The following KLF12 variants were observed in gnomAD, a reference collection of about 807,000 sequenced individuals.
The protein encoded by KLF12 is Krueppel-like factor 12.
Under a neutral mutation model 37.8 loss-of-function variants are expected in KLF12, and 9 were observed. That is an observed-to-expected ratio of 0.24 (90% CI 0.14 to 0.42). The LOEUF is 0.42. Among genes scored for constraint, KLF12 ranks in the 10% least tolerant of loss-of-function variants. The pLI, the probability that KLF12 is intolerant of heterozygous loss-of-function variation, is 1.00. For missense variants in KLF12, 411 were observed against 516.0 expected, an observed-to-expected ratio of 0.80 and a Z score of 1.97; for synonymous variants, 208 against 202.1, an observed-to-expected ratio of 1.03 and a Z score of -0.25.
intron 7 of KLF12, among the ~76,000 whole-genome samples, chr13:73,710,622 G>A (rs945796419): frequency 2.6e-5 from 4 of 152,050 alleles, no homozygotes; most frequent in African/African-American, 9.7e-5. Flanking sequence ...TTTTGGGTTC[G>A]ATGAACTGTA....
chr13:73,785,735 A>G (rs1011687258), intron 5 of KLF12, among the ~76,000 whole-genome samples: 1 of 151,952 alleles, frequency 6.6e-6, no homozygotes, highest in Admixed American at 6.6e-5. Flanking sequence ...AGGTATCTTC[A>G]CTATCCCTTA....
At chr13:73,789,391 C>T (rs1298296957) in intron 5 of KLF12, among the ~76,000 whole-genome samples, 1 of 152,036 alleles carries the variant, frequency 6.6e-6, no homozygotes, top group Non-Finnish European at 1.5e-5. Flanking sequence ...CACAGTAGCG[C>T]TAGTCAGAGA....
intron 3 of KLF12, among the ~76,000 whole-genome samples, chr13:73,932,544 G>T (rs1038624154): frequency 3.9e-5 from 6 of 152,262 alleles, no homozygotes; most frequent in Admixed American, 3.9e-4. Flanking sequence ...AACACTAGGG[G>T]AGTTTTCTAG....
chr13:74,263,365 G>C, the KLF12 span, among the ~76,000 whole-genome samples: 1 of 152,144 alleles, frequency 6.6e-6, no homozygotes, highest in Non-Finnish European at 1.5e-5. Context: ...TATGCAGCAA[G>C]AGATTAAAGG....
chr13:73,688,803 C>G lies in KLF12; in HGVS notation c.*6687G>C, dbSNP rs192884380. 6.6e-6 allele frequency: 1 copy of G among 152,112 alleles called. No individual in the cohort carries two copies. Among genetic ancestry groups the G allele is most frequent in the African/African-American group, 2.4e-5 (1 of 41,424 alleles). 9.4% of individuals were successfully genotyped at this position (152,112 alleles called of 1,614,324 possible). ...ATGCATGTTGTCCATAATAAAATTA[C>G]TGAGAGTCAGGAATCTGGGAAGGTG... is the stretch of plus-strand genomic sequence containing the variant. On this transcript the variant is annotated 3_prime_UTR_variant, in exon 8 of 8. Coordinates refer to ENST00000377669, the MANE Select transcript of KLF12 (RefSeq NM_007249.5).
At chr13:74,214,172 G>C in the KLF12 span, among the ~76,000 whole-genome samples, 1 of 152,146 alleles carries the variant, frequency 6.6e-6, no homozygotes, top group East Asian at 1.9e-4. Context: ...CTTTCCAACT[G>C]ATCAATAAGA....
At chr13:73,721,367 C>T (rs1386064824) in intron 6 of KLF12, among the ~76,000 whole-genome samples, 2 of 152,064 alleles carry the variant, frequency 1.3e-5, no homozygotes, top group Non-Finnish European at 2.9e-5. Flanking sequence ...TTTAAATTTC[C>T]CCTTTAACCC....
At chr13:74,298,980 T>TTC in the KLF12 span, among the ~76,000 whole-genome samples, 3 of 152,172 alleles carry the variant, frequency 2.0e-5, no homozygotes, top group Admixed American at 1.3e-4. Context: ...AAGAACGGAA[T>TTC]TCTCAACAAG....
the KLF12 span, among the ~76,000 whole-genome samples, chr13:74,162,447 C>A: frequency 6.6e-6 from 1 of 152,322 alleles, no homozygotes; most frequent in East Asian, 1.9e-4. Flanking sequence ...TTAAATTAGG[C>A]CAGATGCTTA....
At chr13:74,256,025 G>T in the KLF12 span, among the ~76,000 whole-genome samples, 5 of 151,960 alleles carry the variant, frequency 3.3e-5, 1 homozygote, top group Admixed American at 2.6e-4. Flanking sequence ...CGTGGTGGCG[G>T]GCGCCTGTAG....
intron 1 of KLF12, among the ~76,000 whole-genome samples, chr13:74,012,018 T>C (rs1593828853): frequency 1.4e-5 from 2 of 144,522 alleles, no homozygotes; most frequent in South Asian, 4.5e-4. Flanking sequence ...GGCCTTTAAC[T>C]GTATTTTATA....
At chr13:74,117,323 A>G (rs1877367718) in intron 1 of KLF12, among the ~76,000 whole-genome samples, 1 of 152,222 alleles carries the variant, frequency 6.6e-6, no homozygotes, top group Non-Finnish European at 1.5e-5. Flanking sequence ...TTCAAAAACA[A>G]AAGGACAAGG....
chr13:74,230,700 G>A, the KLF12 span, among the ~76,000 whole-genome samples: 1 of 152,158 alleles, frequency 6.6e-6, no homozygotes, highest in East Asian at 1.9e-4. Flanking sequence ...CCACACCCTT[G>A]TTGGGCCAAC....
intron 5 of KLF12, chr13:73,800,538 G>A (rs1310328390): frequency 2.0e-5 from 3 of 151,964 alleles, no homozygotes; most frequent in Non-Finnish European, 4.4e-5. Context: ...CTTCTGCTAG[G>A]AGGAAAATAT....
chr13:73,881,133 A>T (rs1886959549), intron 3 of KLF12, among the ~76,000 whole-genome samples: 1 of 152,172 alleles, frequency 6.6e-6, no homozygotes, highest in Non-Finnish European at 1.5e-5. Flanking sequence ...TGGAAATGAA[A>T]GGTAAATTAG....
At chr13:73,858,802 T>C (rs1040259705) in intron 3 of KLF12, among the ~76,000 whole-genome samples, 1 of 152,098 alleles carries the variant, frequency 6.6e-6, no homozygotes, top group Non-Finnish European at 1.5e-5. Flanking sequence ...AACCCTATAT[T>C]CTATAAAAAT....
chr13:73,801,389 CAT>C (rs1208212295), intron 5 of KLF12: 1 of 152,016 alleles, frequency 6.6e-6, no homozygotes, highest in African/African-American at 2.4e-5. Flanking sequence ...GGTTTTCTAT[CAT>C]GTGTACTCTC....
Position 73,693,588 on chromosome 13 carries a change from A to G in KLF12, c.*1902T>C, listed in dbSNP as rs1873938382. On this transcript the variant is annotated 3_prime_UTR_variant, in exon 8 of 8. Coordinates refer to ENST00000377669, the MANE Select transcript of KLF12 (RefSeq NM_007249.5). The stretch of plus-strand genomic sequence containing the variant: ...ACGTTCATAGTTCTCGCTTCATCAG[A>G]ATAAGATTATCTGAATTAGAAGATG... 6.6e-6 allele frequency: 1 copy of G among 152,578 alleles called. No homozygotes were observed. Among genetic ancestry groups the G allele is most frequent in the Non-Finnish European group, 1.5e-5 (1 of 68,038 alleles). The allele number at this position is 152,578 out of a possible 1,614,324, so 9.5% of individuals were successfully genotyped here.
chr13:74,128,400 T>C (rs1049725384), intron 1 of KLF12, among the ~76,000 whole-genome samples: 22 of 93,064 alleles, frequency 2.4e-4, no homozygotes, highest in Non-Finnish European at 1.3e-4. Context: ...GTGCTTTTCC[T>C]ATCAAATCAG....
Sources: gnomAD v4.1 joint callset for allele counts (sites outside exome capture counted in the v4.1 genomes callset) on GRCh38, gnomAD v4.1.1 for gene constraint, MANE v1.5 for transcripts, NCBI Gene and HGNC (gene_info 2026-07-23, HGNC 2026-07-21) for gene names.